The following EPHA6 variants were observed in gnomAD, a reference collection of about 807,000 sequenced individuals.
EPHA6 encodes EPH receptor A6, also known as ephrin type-A receptor 6.
In EPHA6, 50 loss-of-function variants were observed where a neutral mutation model predicts 112.0. That is an observed-to-expected ratio of 0.45 (90% CI 0.36 to 0.56). EPHA6 has a LOEUF of 0.56. EPHA6 is among the 20% of genes least tolerant of loss of function. The pLI is 0.00. For synonymous variants in EPHA6, 529 were observed against 490.7 expected, an observed-to-expected ratio of 1.08 and a Z score of -1.03; for missense variants, 1,280 against 1,417.4, an observed-to-expected ratio of 0.90 and a Z score of 1.56.
intron 16 of EPHA6, among the ~76,000 whole-genome samples, chr3:97,743,974 AG>A (rs950905971): frequency 6.6e-6 from 1 of 152,020 alleles, no homozygotes; most frequent in African/African-American, 2.4e-5. Context: ...GTGAACTCAA[AG>A]GGCTCATTAG....
intron 5 of EPHA6, among the ~76,000 whole-genome samples, chr3:97,339,547 A>G (rs920880094): frequency 6.6e-6 from 1 of 152,164 alleles, no homozygotes; most frequent in African/African-American, 2.4e-5. Context: ...CTGAGTTTAT[A>G]TGCTCTATTT....
chr3:97,225,806 A>G (rs1422583920), intron 3 of EPHA6, among the ~76,000 whole-genome samples: 1 of 152,238 alleles, frequency 6.6e-6, no homozygotes, highest in Non-Finnish European at 1.5e-5. Flanking sequence ...ACATACTTTC[A>G]CCAAATTAGA....
chr3:96,872,987 A>G (rs1165814999), intron 2 of EPHA6, among the ~76,000 whole-genome samples: 1 of 151,846 alleles, frequency 6.6e-6, no homozygotes, highest in African/African-American at 2.4e-5. Context: ...TTCCCATTAC[A>G]CATAAACTGT....
In EPHA6 at chr3:97,360,787, C is replaced by T. The variant is rs557464130; in HGVS notation, c.1607-44363C>T. On this transcript the variant is annotated intron_variant, in intron 5 of 17. Coordinates refer to ENST00000389672, the MANE Select transcript of EPHA6 (RefSeq NM_001080448.3). Reference sequence around the variant, plus strand: ...GAATCAACTATATAGGACATAATCTCATGTAGTATTTATATAGTATAAGGA... The same window carrying T: ...GAATCAACTATATAGGACATAATCTTATGTAGTATTTATATAGTATAAGGA... Among the ~76,000 whole-genome samples the T allele has an allele frequency of 2.6e-5, 4 of 152,268 alleles. No individual in the cohort carries two copies. In the East Asian group the frequency reaches 7.7e-4, roughly 29 times the overall value.
At chr3:97,607,949 A>G (rs1327212265) in intron 12 of EPHA6, among the ~76,000 whole-genome samples, 2 of 151,178 alleles carry the variant, frequency 1.3e-5, no homozygotes, top group South Asian at 2.1e-4. Flanking sequence ...CCTAATTTTC[A>G]TAGTTTCCCC....
intron 1 of EPHA6, among the ~76,000 whole-genome samples, chr3:96,846,992 G>A (rs913562631): frequency 2.0e-5 from 3 of 152,052 alleles, no homozygotes; most frequent in African/African-American, 4.8e-5. Context: ...GGTAGCAATA[G>A]TAACAGTCTG....
intron 6 of EPHA6, among the ~76,000 whole-genome samples, chr3:97,438,019 C>A (rs1020141604): frequency 6.6e-6 from 1 of 152,022 alleles, no homozygotes; most frequent in Non-Finnish European, 1.5e-5. Context: ...GAATGAATGA[C>A]AAATTTAAAG....
chr3:96,991,493 C>G (rs1298973505), intron 3 of EPHA6, among the ~76,000 whole-genome samples: 1 of 152,100 alleles, frequency 6.6e-6, no homozygotes, highest in African/African-American at 2.4e-5. Context: ...AGCGTAGTTG[C>G]TGGCTTAAGA....
At chr3:97,475,768 T>G (rs1429256222) in intron 8 of EPHA6, among the ~76,000 whole-genome samples, 1 of 152,160 alleles carries the variant, frequency 6.6e-6, no homozygotes, top group East Asian at 1.9e-4. Context: ...TTAAAAAATA[T>G]TTTAATGGAA....
intron 2 of EPHA6, among the ~76,000 whole-genome samples, chr3:96,962,133 C>G (rs1318820797): frequency 6.8e-6 from 1 of 146,662 alleles, no homozygotes; most frequent in African/African-American, 2.7e-5. Context: ...ACAGAGAAAC[C>G]TTCTGCAGTT....
intron 3 of EPHA6, among the ~76,000 whole-genome samples, chr3:97,136,689 C>T (rs1283998214): frequency 2.6e-5 from 4 of 151,898 alleles, no homozygotes; most frequent in African/African-American, 9.7e-5. Flanking sequence ...TGATTACTGT[C>T]GACAGAAAAC....
chr3:97,382,749 A>C (rs1357608097), intron 5 of EPHA6, among the ~76,000 whole-genome samples: 1 of 152,064 alleles, frequency 6.6e-6, no homozygotes, highest in Non-Finnish European at 1.5e-5. Context: ...AATATGTTGA[A>C]AACAAAGGGA....
intron 5 of EPHA6, among the ~76,000 whole-genome samples, chr3:97,303,796 A>C (rs1366721125): frequency 6.6e-6 from 1 of 152,008 alleles, no homozygotes; most frequent in Middle Eastern, 3.2e-3. Flanking sequence ...TCCCAGACAA[A>C]ATTACAAATA....
intron 3 of EPHA6, among the ~76,000 whole-genome samples, chr3:97,201,077 A>G (rs898627660): frequency 3.9e-5 from 6 of 152,164 alleles, no homozygotes; most frequent in African/African-American, 1.4e-4. Flanking sequence ...TGTGAATTGT[A>G]TCTATCTTTC....
At chr3:97,228,864 A>T (rs1461726763) in intron 4 of EPHA6, among the ~76,000 whole-genome samples, 1 of 152,168 alleles carries the variant, frequency 6.6e-6, no homozygotes, top group East Asian at 1.9e-4. Context: ...GCTTTTCACC[A>T]CATCCACATC....
intron 11 of EPHA6, among the ~76,000 whole-genome samples, chr3:97,543,257 G>C (rs1418420941): frequency 1.3e-5 from 2 of 152,108 alleles, no homozygotes; most frequent in East Asian, 3.9e-4. Context: ...AATCCATCTT[G>C]AATTGATTTT....
intron 11 of EPHA6, among the ~76,000 whole-genome samples, chr3:97,574,482 G>A (rs1431093687): frequency 6.6e-6 from 1 of 152,090 alleles, no homozygotes; most frequent in African/African-American, 2.4e-5. Flanking sequence ...AGATGTGAAA[G>A]GGAAAAGGCT....
intron 7 of EPHA6, among the ~76,000 whole-genome samples, chr3:97,464,226 G>GTCGGTAA (rs2090982671): frequency 6.6e-6 from 1 of 152,080 alleles, no homozygotes; most frequent in African/African-American, 2.4e-5. Context: ...TCAGGTCTCT[G>GTCGGTAA]TCGGTAATCC....
chr3:96,926,583 G>A (rs557849330), intron 2 of EPHA6, among the ~76,000 whole-genome samples: 55 of 152,310 alleles, frequency 3.6e-4, no homozygotes, highest in African/African-American at 1.3e-3. Flanking sequence ...ATACAGTGGG[G>A]GCACAGGTAT....
Sources: allele counts gnomAD v4.1 joint callset (sites outside exome capture counted in the v4.1 genomes callset), GRCh38; gene constraint gnomAD v4.1.1; transcripts MANE v1.5; gene names NCBI Gene and HGNC (gene_info 2026-07-23, HGNC 2026-07-21).